The following FER1L6 variants were observed in gnomAD, a reference collection of about 807,000 sequenced individuals.
FER1L6 encodes fer-1 like family member 6, also known as fer-1-like protein 6.
A neutral mutation model predicts 219.2 loss-of-function variants in FER1L6; 177 were observed. That is an observed-to-expected ratio of 0.81 (90% confidence interval 0.71 to 0.91). FER1L6 has a LOEUF of 0.91. Among genes scored for constraint, FER1L6 ranks in the 40% least tolerant of loss-of-function variants. The pLI is 0.00. For synonymous variants in FER1L6, 768 were observed against 824.3 expected (o/e 0.93, Z 1.17); for missense variants, 2,153 against 2,259.9 (o/e 0.95, Z 0.96).
chr8:123,879,534 C>A (rs1817068117), intron 1 of FER1L6, among the ~76,000 whole-genome samples: 2 of 152,048 alleles, frequency 1.3e-5, no homozygotes. Flanking sequence ...ACCATGTTAG[C>A]CAGGATGGTC....
intron 10 of FER1L6, among the ~76,000 whole-genome samples, chr8:123,979,792 A>T (rs151197729): frequency 3.5e-4 from 53 of 152,272 alleles, no homozygotes; most frequent in Non-Finnish European, 6.6e-4. Flanking sequence ...AGCCATAGTG[A>T]TCTTAAGACA....
chr8:123,908,274 A>C (rs1319048352), intron 1 of FER1L6, among the ~76,000 whole-genome samples: 2 of 152,222 alleles, frequency 1.3e-5, no homozygotes, highest in Non-Finnish European at 2.9e-5. Context: ...GTAGTGATTT[A>C]ATCCTCACCT....
At chr8:124,024,362 C>A in intron 18 of FER1L6, among the ~76,000 whole-genome samples, 1 of 151,932 alleles carries the variant, frequency 6.6e-6, no homozygotes, top group African/African-American at 2.4e-5. Flanking sequence ...CCCACCCTCC[C>A]CCTTTCTGAG....
At chr8:123,900,524 A>G (rs943790348) in intron 1 of FER1L6, among the ~76,000 whole-genome samples, 1 of 151,902 alleles carries the variant, frequency 6.6e-6, no homozygotes, top group Admixed American at 6.6e-5. Context: ...TCCAAAGAGG[A>G]GTGGTGAGAG....
chr8:124,064,689 A>T, intron 26 of FER1L6, 116 bp downstream of exon 26: 1 of 856,346 alleles, frequency 1.2e-6, no homozygotes, highest in Non-Finnish European at 1.9e-6. Flanking sequence ...CACATTTCTG[A>T]GTATCGGTTC....
At position 123,989,059 on chromosome 8, in the gene FER1L6, A is replaced by G. The variant is rs188552101; in HGVS notation, c.1519+2883A>G. Among the ~76,000 whole-genome samples, 376 of 151,902 alleles carry G rather than the reference A, an allele frequency of 2.5e-3. 2 individuals carry two copies. The highest frequency in any genetic ancestry group is 8.5e-3 in the African/African-American group (350 of 41,242). ...ATGAACGGATGTTAAATTTTATCAA[A>G]TGCTTTTTCAACATAAATTGGAATG... On this transcript the variant is annotated intron_variant, in intron 12 of 40. Coordinates refer to ENST00000522917, the MANE Select transcript of FER1L6 (RefSeq NM_001039112.2).
chr8:123,950,577 A>C (rs1195557420), intron 1 of FER1L6, among the ~76,000 whole-genome samples: 5 of 152,180 alleles, frequency 3.3e-5, no homozygotes, highest in African/African-American at 1.2e-4. Context: ...AAGAGGAATT[A>C]ATTAGCATCC....
intron 18 of FER1L6, among the ~76,000 whole-genome samples, chr8:124,029,087 TG>T (rs1440406976): frequency 3.3e-5 from 5 of 152,228 alleles, no homozygotes; most frequent in African/African-American, 1.2e-4. Flanking sequence ...GCTTCATCCA[TG>T]CTCCTGCAAA....
chr8:124,010,885 C>T (rs968947155), intron 14 of FER1L6, among the ~76,000 whole-genome samples, 171 bp downstream of exon 14: 4 of 152,144 alleles, frequency 2.6e-5, no homozygotes, highest in Non-Finnish European at 5.9e-5. Flanking sequence ...GGGAATGAGA[C>T]CTCATTTTGC....
At chr8:123,991,119 A>T (rs947603414) in intron 12 of FER1L6, among the ~76,000 whole-genome samples, 3 of 152,200 alleles carry the variant, frequency 2.0e-5, no homozygotes, top group Non-Finnish European at 4.4e-5. Flanking sequence ...ATATCCTTGC[A>T]GTATAACTTG....
At chr8:124,079,086 A>G (rs1235260841) in intron 32 of FER1L6, among the ~76,000 whole-genome samples, 1 of 151,990 alleles carries the variant, frequency 6.6e-6, no homozygotes, top group Non-Finnish European at 1.5e-5. Context: ...CTTCATCTCC[A>G]CATGGCCTGC....
intron 30 of FER1L6, 74 bp from the exon 31 acceptor site, chr8:124,071,432 G>A: frequency 6.3e-7 from 1 of 1,583,442 alleles, no homozygotes; most frequent in Non-Finnish European, 8.6e-7. Context: ...CATTTTCCCA[G>A]CACAGTGCTC....
chr8:124,020,513 C>T (rs1443393073), intron 16 of FER1L6, among the ~76,000 whole-genome samples: 1 of 152,132 alleles, frequency 6.6e-6, no homozygotes, highest in Non-Finnish European at 1.5e-5. Flanking sequence ...TAAATGTGAG[C>T]TGAACAAATG....
chr8:123,907,532 T>C lies in FER1L6; in HGVS notation c.-7-48460T>C, dbSNP rs143116856. Reference sequence around the variant, plus strand: ...TGGAAATGTTGTCCAATAACCTTTGTTGGACAACCTTTAGTTGGCATTGGT... The same window carrying C: ...TGGAAATGTTGTCCAATAACCTTTGCTGGACAACCTTTAGTTGGCATTGGT... On this transcript the variant is annotated intron_variant, in intron 1 of 40. Transcript: ENST00000522917. 2.0e-5 allele frequency among the ~76,000 whole-genome samples: 3 copies of C among 152,020 alleles called. No individual in the cohort carries two copies. The East Asian group carries it at 5.9e-4, about 30-fold the overall frequency.
intron 33 of FER1L6, among the ~76,000 whole-genome samples, chr8:124,084,826 G>A (rs1173510172): frequency 1.3e-5 from 2 of 152,018 alleles, no homozygotes; most frequent in East Asian, 3.8e-4. Context: ...TTGTTTTTCA[G>A]ATTGGTATTA....
At chr8:123,959,108 C>T (rs957322433) in intron 2 of FER1L6, among the ~76,000 whole-genome samples, 1 of 152,106 alleles carries the variant, frequency 6.6e-6, no homozygotes, top group Non-Finnish European at 1.5e-5. Context: ...TATAAGGTCA[C>T]CCTGGATGCC....
At chr8:124,097,452 G>A in intron 36 of FER1L6, 93 bp downstream of exon 36, 2 of 944,228 alleles carry the variant, frequency 2.1e-6, no homozygotes, top group South Asian at 1.5e-5. Flanking sequence ...CAGGTTACCT[G>A]ATCATCATAC....
Position 124,003,324 on chromosome 8 carries a change from G to A in FER1L6, c.1677G>A (p.Lys559=). Reference sequence around the variant, plus strand: ...TGGCCTCCACCACTCACCCGGAGAAGCCACTGGTGACAGAAGGGAACAGGT... The same window carrying A: ...TGGCCTCCACCACTCACCCGGAGAAACCACTGGTGACAGAAGGGAACAGGT... ...IPMASTTHPE[K]PLVTEGNRNY... The change falls in exon 13 of 41, where the codon AAG becomes AAA. Residue 559 remains lysine (K), a synonymous_variant. Transcript: ENST00000522917. 3.1e-6 allele frequency: 5 copies of A among 1,613,348 alleles called. No homozygotes were observed. Among genetic ancestry groups the A allele is most frequent in the Non-Finnish European group, 3.4e-6 (4 of 1,179,936 alleles).
At chr8:124,062,091 T>C (rs1422809004) in intron 25 of FER1L6, 59 bp downstream of exon 25, 1 of 1,569,948 alleles carries the variant, frequency 6.4e-7, no homozygotes, top group Non-Finnish European at 8.7e-7. Context: ...GCCTGCAGAG[T>C]GCCTGCTGTG....
Sources: gnomAD v4.1 joint callset for allele counts (sites outside exome capture counted in the v4.1 genomes callset) on GRCh38, gnomAD v4.1.1 for gene constraint, MANE v1.5 for transcripts, NCBI Gene and HGNC (gene_info 2026-07-23, HGNC 2026-07-21) for gene names.